NAALADL2: variants seen among roughly 807,000 people sequenced by gnomAD.
NAALADL2 encodes the protein N-acetylated alpha-linked acidic dipeptidase like 2.
Under a neutral mutation model 87.2 loss-of-function variants are expected in NAALADL2, and 76 were observed. The observed-to-expected ratio is 0.87, with a 90% CI of 0.72 to 1.05. NAALADL2 has a LOEUF of 1.05. Among genes scored for constraint, NAALADL2 ranks in the 50% least tolerant of loss-of-function variants. The pLI, the probability that NAALADL2 is intolerant of heterozygous loss-of-function variation, is 0.00. For synonymous variants in NAALADL2, 354 were observed against 331.0 expected (o/e 1.07, Z -0.75); for missense variants, 1,089 against 945.8 (o/e 1.15, Z -1.99).
At chr3:175,159,468 A>G (rs1732804110) in intron 2 of NAALADL2, among the ~76,000 whole-genome samples, 1 of 152,204 alleles carries the variant, frequency 6.6e-6, no homozygotes, top group Non-Finnish European at 1.5e-5. Flanking sequence ...GCATACACAC[A>G]TATCATAATA....
chr3:174,810,133 T>C (rs1334362997), intron 3 of NAALADL2, among the ~76,000 whole-genome samples: 1 of 152,198 alleles, frequency 6.6e-6, no homozygotes, highest in Non-Finnish European at 1.5e-5. Context: ...TTCTCATGTA[T>C]TCCTTTATAA....
At chr3:174,607,222 G>A (rs1417512143) in intron 2 of NAALADL2, among the ~76,000 whole-genome samples, 2 of 151,914 alleles carry the variant, frequency 1.3e-5, no homozygotes, top group Non-Finnish European at 1.5e-5. Flanking sequence ...ATGCCAAAAT[G>A]TAAAGACCAT....
intron 5 of NAALADL2, among the ~76,000 whole-genome samples, chr3:175,424,346 T>C (rs1389299926): frequency 2.0e-4 from 30 of 152,186 alleles, no homozygotes; most frequent in Admixed American, 1.4e-3. Context: ...GCCTATGTCC[T>C]GAATGGTATT....
chr3:175,368,531 TC>T (rs1210266430), intron 5 of NAALADL2, among the ~76,000 whole-genome samples: 1 of 151,932 alleles, frequency 6.6e-6, no homozygotes, highest in South Asian at 2.1e-4. Context: ...CATTTTGGTA[TC>T]TTTTTTTATA....
At chr3:175,091,448 C>A (rs1720102642) in intron 1 of NAALADL2, among the ~76,000 whole-genome samples, 1 of 151,922 alleles carries the variant, frequency 6.6e-6, no homozygotes, top group Admixed American at 6.6e-5. Context: ...GAGATTCTGC[C>A]TTACGTTTTA....
intron 11 of NAALADL2, among the ~76,000 whole-genome samples, chr3:175,687,887 C>A (rs987914534): frequency 6.6e-5 from 10 of 151,934 alleles, no homozygotes; most frequent in Admixed American, 5.9e-4. Flanking sequence ...CTTCGCCTTC[C>A]GCCATGATTG....
At chr3:175,093,414 T>TATATATATATATATATATATATATATATA (rs1553771396) in intron 1 of NAALADL2, among the ~76,000 whole-genome samples, 19 of 117,714 alleles carry the variant, frequency 1.6e-4, no homozygotes, top group African/African-American at 7.4e-4. Flanking sequence ...CATTTTATTT[T>TATATATATATATATATATATATATATATA]TTTATATATA....
chr3:175,494,071 A>G (rs1728482417), intron 9 of NAALADL2, among the ~76,000 whole-genome samples: 1 of 151,982 alleles, frequency 6.6e-6, no homozygotes, highest in Admixed American at 6.6e-5. Context: ...AACATGCAAA[A>G]AATATAATTG....
chr3:174,794,148 G>A lies in NAALADL2; in HGVS notation c.-9+56402G>A, dbSNP rs567312643. Among the ~76,000 whole-genome samples the A allele has an allele frequency of 1.4e-4, 22 of 152,058 alleles. 1 individual carries two copies. The South Asian group carries it at 4.4e-3, about 30-fold the overall frequency. On this transcript the variant is annotated intron_variant, in intron 3 of 3. Transcript: ENST00000434257. ...CTTTATTTTCAAAGTAAAATGTATG[G>A]AAAAATTTGACTTTATGAGACTTTT...
chr3:174,466,413 T>C (rs1228832123), intron 1 of NAALADL2, among the ~76,000 whole-genome samples: 1 of 152,056 alleles, frequency 6.6e-6, no homozygotes, highest in Non-Finnish European at 1.5e-5. Context: ...CTTTGTCCCA[T>C]GGCTACCTAT....
At chr3:175,281,622 A>G in intron 4 of NAALADL2, among the ~76,000 whole-genome samples, 1 of 152,014 alleles carries the variant, frequency 6.6e-6, no homozygotes. Context: ...AGAAGCCTCC[A>G]ACATTATCAG....
At position 175,173,305 on chromosome 3, in the gene NAALADL2, AAATAAAATAAAT is replaced by A. The variant is rs1292933292; in HGVS notation, c.546-60623_546-60612del. Among the ~76,000 whole-genome samples the A allele has an allele frequency of 7.6e-3, 725 of 95,598 alleles. 6 individuals carry two copies. The highest frequency in any genetic ancestry group is 0.021 in the African/African-American group (648 of 30,482). 62.7% of individuals were successfully genotyped at this position (95,598 alleles called of 152,430 possible). Reference sequence around the variant, plus strand: ...AGACTCCGTTTCAAAATAAATAAATAAATAAAATAAATAAATAAATAAATAAATAAATAAATA... The same window carrying A: ...AGACTCCGTTTCAAAATAAATAAATAAAATAAATAAATAAATAAATAAATA... On this transcript the variant is annotated intron_variant, in intron 2 of 13. Transcript: ENST00000454872.
intron 4 of NAALADL2, among the ~76,000 whole-genome samples, chr3:175,285,963 G>A (rs539808572): frequency 7.9e-5 from 12 of 152,024 alleles, no homozygotes; most frequent in South Asian, 2.1e-4. Context: ...GTTTAAAAGT[G>A]CACATTTTAT....
At chr3:175,452,870 C>T (rs1241586551) in intron 6 of NAALADL2, among the ~76,000 whole-genome samples, 1 of 152,040 alleles carries the variant, frequency 6.6e-6, no homozygotes, top group Non-Finnish European at 1.5e-5. Flanking sequence ...GTCCAAAGTC[C>T]ACAGAAAGTA....
At chr3:175,155,090 A>G (rs575365338) in intron 2 of NAALADL2, among the ~76,000 whole-genome samples, 4 of 152,262 alleles carry the variant, frequency 2.6e-5, no homozygotes, top group Non-Finnish European at 5.9e-5. Context: ...AACCCATCTC[A>G]GTCAGTGGTC....
intron 1 of NAALADL2, among the ~76,000 whole-genome samples, chr3:174,960,377 G>C (rs1395757335): frequency 6.6e-6 from 1 of 151,972 alleles, no homozygotes; most frequent in African/African-American, 2.4e-5. Flanking sequence ...CAGTTTTCCT[G>C]GTATTAAGTG....
At chr3:175,109,244 C>T (rs1017332824) in intron 2 of NAALADL2, among the ~76,000 whole-genome samples, 20 of 151,710 alleles carry the variant, frequency 1.3e-4, no homozygotes, top group African/African-American at 4.6e-4. Context: ...TTATGCTGTT[C>T]TTAATCAAAT....
At chr3:175,279,089 G>A (rs1045018540) in intron 4 of NAALADL2, among the ~76,000 whole-genome samples, 8 of 152,116 alleles carry the variant, frequency 5.3e-5, no homozygotes, top group Admixed American at 5.2e-4. Flanking sequence ...ATCTACCAGA[G>A]CAATTAGAGC....
chr3:174,956,223 C>CA (rs562340766), intron 1 of NAALADL2, among the ~76,000 whole-genome samples: 135 of 152,140 alleles, frequency 8.9e-4, no homozygotes, highest in Admixed American at 3.7e-3. Flanking sequence ...TTGCAGATCT[C>CA]ATTTTCTTTC....
Sources: allele counts gnomAD v4.1 joint callset (sites outside exome capture counted in the v4.1 genomes callset), GRCh38; gene constraint gnomAD v4.1.1; transcripts MANE v1.5; gene names NCBI Gene and HGNC (gene_info 2026-07-23, HGNC 2026-07-21).